Variants in WDR4 observed in about 807,000 individuals in gnomAD.
WDR4 encodes the protein WDR4 tRNA N7-guanosine methyltransferase non-catalytic subunit, also known as tRNA (guanine-N(7)-)-methyltransferase non-catalytic subunit WDR4.
WDR4 carries 47 observed loss-of-function variants against 48.6 expected under a neutral mutation model. The observed-to-expected ratio is 0.97, with a 90% CI of 0.77 to 1.23. The LOEUF is 1.23. Ranked by LOEUF, WDR4 falls within the 50% of genes most tolerant of loss-of-function variation. The pLI is 0.00. For missense variants in WDR4, 606 were observed against 551.6 expected (o/e 1.10, Z -0.99); for synonymous variants, 268 against 230.0 (o/e 1.17, Z -1.49).
In WDR4 at chr21:42,850,024, T is replaced by G; in HGVS notation, c.*25A>C. Reference sequence around the variant, plus strand: ...TTAAAAAGCTTTTCCTAATTTGAGGTGAGAGACACCACTGACCGCCACGAT... The same window carrying G: ...TTAAAAAGCTTTTCCTAATTTGAGGGGAGAGACACCACTGACCGCCACGAT... On this transcript the variant is annotated 3_prime_UTR_variant, in exon 11 of 11. Coordinates refer to ENST00000398208, the MANE Select transcript of WDR4 (RefSeq NM_018669.6). 1 of 1,605,962 alleles carries G rather than the reference T, an allele frequency of 6.2e-7. No individual in the cohort carries two copies. Among genetic ancestry groups the G allele is most frequent in the Non-Finnish European group, 8.5e-7 (1 of 1,178,056 alleles).
the WDR4 span, among the ~76,000 whole-genome samples, chr21:42,884,680 G>A: frequency 6.6e-6 from 1 of 151,592 alleles, no homozygotes; most frequent in African/African-American, 2.4e-5. Context: ...GGACCGCCAA[G>A]CTGATTCACA....
At chr21:42,855,143 A>G (rs201582237) in intron 7 of WDR4, among the ~76,000 whole-genome samples, 1 of 136,466 alleles carries the variant, frequency 7.3e-6, no homozygotes, top group Non-Finnish European at 1.6e-5. Flanking sequence ...AAAAAAAAAA[A>G]TTTTTTTTAA....
At chr21:42,889,819 C>T in the WDR4 span, among the ~76,000 whole-genome samples, 1 of 152,064 alleles carries the variant, frequency 6.6e-6, no homozygotes, top group Middle Eastern at 3.2e-3. Context: ...ACCATCTCAG[C>T]TCACTGCAAC....
upstream of WDR4, among the ~76,000 whole-genome samples, chr21:42,880,573 G>A (rs2058599580): frequency 6.6e-6 from 1 of 152,170 alleles, no homozygotes; most frequent in Admixed American, 6.5e-5. Flanking sequence ...AAATCCTACT[G>A]GAAGATGTTT....
intron 1 of WDR4, among the ~76,000 whole-genome samples, chr21:42,877,104 G>A (rs888687429): frequency 7.5e-6 from 1 of 132,790 alleles, no homozygotes; most frequent in Non-Finnish European, 1.8e-5. Context: ...GAGCCACTGC[G>A]CCTGGCCCAT....
chr21:42,882,974 C>T (rs1252258738), upstream of WDR4, among the ~76,000 whole-genome samples: 1 of 151,918 alleles, frequency 6.6e-6, no homozygotes, highest in Non-Finnish European at 1.5e-5. Flanking sequence ...TGGCGGACGC[C>T]TGTAGTCCCA....
rs779710658 is a variant in WDR4 at position 42,863,477 on chromosome 21, C to A, written c.416G>T (p.Arg139Leu). The change falls in exon 4 of 11, where the codon CGT becomes CTT. Residue 139 changes from arginine to leucine, a missense_variant. By Grantham distance (102) the Arg-to-Leu change is moderately radical (BLOSUM62 -2). Transcript: ENST00000398208. ...FSVLEPHGCG[R>L]LELGHLSMLL... is the part of the protein sequence containing the mutation. ...CATAGACAGGTGCCCCAGCTCTAGA[C>A]GGCCACACCCGTGTGGCTCCAGCAC... The A allele has an allele frequency of 6.2e-7, 1 of 1,613,818 alleles. No homozygotes were observed. The highest frequency in any genetic ancestry group is 8.5e-7 in the Non-Finnish European group (1 of 1,179,868).
chr21:42,865,203 G>A (rs1027212750), intron 3 of WDR4, among the ~76,000 whole-genome samples: 1 of 152,242 alleles, frequency 6.6e-6, no homozygotes, highest in African/African-American at 2.4e-5. Context: ...GTATAACGGG[G>A]TAAACACAGA....
chr21:42,857,928 A>G (rs1333201383), intron 6 of WDR4, among the ~76,000 whole-genome samples: 2 of 152,090 alleles, frequency 1.3e-5, no homozygotes, highest in South Asian at 2.1e-4. Context: ...CCATCACTAC[A>G]AAAGTATAAA....
chr21:42,866,804 T>C (rs59166076), intron 3 of WDR4, among the ~76,000 whole-genome samples: 1 of 152,024 alleles, frequency 6.6e-6, no homozygotes, highest in African/African-American at 2.4e-5. Flanking sequence ...TGCTGAAAAG[T>C]TCACAAACCC....
At chr21:42,851,308 C>G (rs147471551) in intron 10 of WDR4, among the ~76,000 whole-genome samples, 77 of 152,316 alleles carry the variant, frequency 5.1e-4, no homozygotes, top group African/African-American at 1.8e-3. Context: ...GCTGGGGGGC[C>G]CAACCCTGCC....
chr21:42,863,677 T>G (rs1479757468), intron 3 of WDR4, 81 bp from the exon 4 acceptor site: 3 of 1,478,346 alleles, frequency 2.0e-6, no homozygotes, highest in African/African-American at 2.8e-5. Context: ...ACGTGGGCGG[T>G]GGCAGGCACC....
chr21:42,890,131 T>C, the WDR4 span, among the ~76,000 whole-genome samples: 1 of 151,860 alleles, frequency 6.6e-6, no homozygotes, highest in Non-Finnish European at 1.5e-5. Context: ...GAGGCATGCA[T>C]GCGAATGGTG....
chr21:42,854,056 T>A (rs983799030), intron 8 of WDR4, among the ~76,000 whole-genome samples: 2 of 152,180 alleles, frequency 1.3e-5, no homozygotes, highest in African/African-American at 4.8e-5. Flanking sequence ...CACACCTGCG[T>A]ACTTCCAGAA....
At chr21:42,868,435 G>A (rs768384329) in intron 3 of WDR4, among the ~76,000 whole-genome samples, 139 of 152,182 alleles carry the variant, frequency 9.1e-4, no homozygotes, top group Admixed American at 9.8e-4. Flanking sequence ...GCGTCTTCAA[G>A]ACACGAGTGA....
intron 11 of WDR4, among the ~76,000 whole-genome samples, chr21:42,843,739 A>G (rs2057686287): frequency 6.6e-6 from 1 of 152,114 alleles, no homozygotes; most frequent in South Asian, 2.1e-4. Context: ...CTAATTTTTT[A>G]TATTTTTAGT....
the WDR4 span, among the ~76,000 whole-genome samples, chr21:42,885,616 AT>A: frequency 0.019 from 2,805 of 146,454 alleles, 90 homozygotes; most frequent in African/African-American, 0.065. Context: ...TCAAAAAAAA[AT>A]ATATAGATAG....
intron 3 of WDR4, among the ~76,000 whole-genome samples, chr21:42,867,393 C>A (rs7278984): frequency 0.63 from 84,782 of 133,602 alleles, 25,867 homozygotes; most frequent in African/African-American, 0.73. Context: ...TCCGCTCCAC[C>A]AAAAAAAAAA....
the WDR4 span, among the ~76,000 whole-genome samples, chr21:42,890,485 A>C: frequency 6.6e-6 from 1 of 152,136 alleles, no homozygotes; most frequent in Non-Finnish European, 1.5e-5. Context: ...TCAGTGAGCC[A>C]AGATCGCGCC....
Sources: allele counts gnomAD v4.1 joint callset (sites outside exome capture counted in the v4.1 genomes callset), GRCh38; gene constraint gnomAD v4.1.1; transcripts MANE v1.5; gene names NCBI Gene and HGNC (gene_info 2026-07-23, HGNC 2026-07-21).